Variants in AGAP1 observed in about 807,000 individuals in gnomAD.
The protein encoded by AGAP1 is arf-GAP with GTPase, ANK repeat and PH domain-containing protein 1.
AGAP1 carries 29 observed loss-of-function variants against 105.3 expected under a neutral mutation model. The observed-to-expected ratio is 0.28, with a 90% CI of 0.21 to 0.38. The LOEUF is 0.38. Among genes scored for constraint, AGAP1 ranks in the 10% least tolerant of loss-of-function variants. The probability of loss-of-function intolerance (pLI) is 1.00; values close to 1 mark genes in which losing one functional copy is unlikely to be tolerated. For missense variants in AGAP1, 998 were observed against 1,165.1 expected, an observed-to-expected ratio of 0.86 and a Z score of 2.09; for synonymous variants, 509 against 485.9, an observed-to-expected ratio of 1.05 and a Z score of -0.63.
intron 16 of AGAP1, among the ~76,000 whole-genome samples, chr2:236,117,922 G>GGGGCC (rs1559292935): frequency 6.6e-6 from 1 of 151,940 alleles, no homozygotes; most frequent in Non-Finnish European, 1.5e-5. Flanking sequence ...CTGCATTTGT[G>GGGGCC]GGGGCCGGTG....
rs9287594 is a variant in AGAP1, at chr2:235,982,108, T to C, written c.1645+13485T>C. ...TTTACAGCACTTAGAAAATACCAGATCCACGAAGAACAAATGATCAAAGTT... is the reference window on the plus strand; with the variant it reads ...TTTACAGCACTTAGAAAATACCAGACCCACGAAGAACAAATGATCAAAGTT... On this transcript the variant is annotated intron_variant, in intron 13 of 17. Coordinates refer to ENST00000304032, the MANE Select transcript of AGAP1 (RefSeq NM_001037131.3). This position sits in a 1 kb window ranked among gnomAD's most constrained non-coding sequence, Gnocchi z 4.9. Among the ~76,000 whole-genome samples the C allele has an allele frequency of 7.3e-3, 1,110 of 152,300 alleles. 13 individuals carry two copies. Among genetic ancestry groups the C allele is most frequent in the African/African-American group, 0.025 (1,057 of 41,562 alleles).
At chr2:235,995,762 A>G (rs13414490) in intron 13 of AGAP1, among the ~76,000 whole-genome samples, 186 of 152,272 alleles carry the variant, frequency 1.2e-3, no homozygotes, top group African/African-American at 4.3e-3. Context: ...CATACTCTAG[A>G]TGCATCACTG....
chr2:235,903,181 A>C (rs528941782), intron 10 of AGAP1, among the ~76,000 whole-genome samples: 15 of 152,338 alleles, frequency 9.8e-5, no homozygotes, highest in African/African-American at 3.4e-4. Flanking sequence ...GTACAGTTAT[A>C]AACTAGAACT....
chr2:235,968,419 T>G, intron 12 of AGAP1, 43 bp from the exon 13 acceptor site: 1 of 1,546,324 alleles, frequency 6.5e-7, no homozygotes. Context: ...GTGCTCACTC[T>G]GCATTTTTTT....
In AGAP1 at chr2:235,883,463, C is replaced by T; in HGVS notation, c.1155+14C>T. The stretch of plus-strand genomic sequence containing the variant: ...CCCAGTTTACATGTGAGTATAGCCC[C>T]CTCGGAGCAATTAACAGCTGCAGAC... On this transcript the variant is annotated intron_variant, in intron 10 of 17. Transcript: ENST00000304032. The surrounding 1 kb of genome is among the most constrained non-coding windows in gnomAD (Gnocchi z 4.5). The T allele has an allele frequency of 1.2e-6, 2 of 1,604,458 alleles. No homozygotes were observed. Among genetic ancestry groups the T allele is most frequent in the Non-Finnish European group, 1.7e-6 (2 of 1,172,170 alleles).
intron 1 of AGAP1, among the ~76,000 whole-genome samples, chr2:235,496,691 C>T (rs1448123062): frequency 2.0e-5 from 3 of 152,044 alleles, no homozygotes; most frequent in Admixed American, 6.6e-5. Context: ...CTCTGGGGCT[C>T]AAGCACTTCC....
At chr2:235,567,928 C>T (rs566060761) in intron 1 of AGAP1, among the ~76,000 whole-genome samples, 1 of 152,256 alleles carries the variant, frequency 6.6e-6, no homozygotes, top group Admixed American at 6.5e-5. Context: ...CTAGAGGATG[C>T]ACTGGCGCAG....
intron 12 of AGAP1, among the ~76,000 whole-genome samples, chr2:235,950,668 C>A (rs1559685630): frequency 6.6e-6 from 1 of 151,630 alleles, no homozygotes; most frequent in Non-Finnish European, 1.5e-5. Context: ...CCACCCCTGA[C>A]CCTTCCAGCA....
At chr2:235,756,701 G>C (rs1054736260) in intron 6 of AGAP1, among the ~76,000 whole-genome samples, 10 of 152,128 alleles carry the variant, frequency 6.6e-5, no homozygotes, top group African/African-American at 1.7e-4. Flanking sequence ...ATTACTCCCC[G>C]AGCTCCGCCT....
At chr2:235,950,332 C>G (rs1400654773) in intron 12 of AGAP1, among the ~76,000 whole-genome samples, 1 of 152,214 alleles carries the variant, frequency 6.6e-6, no homozygotes, top group African/African-American at 2.4e-5. Context: ...GAGCAGGAGC[C>G]AGCCAGCCAG....
At chr2:235,948,490 A>C (rs1471459352) in intron 12 of AGAP1, among the ~76,000 whole-genome samples, 1 of 152,240 alleles carries the variant, frequency 6.6e-6, no homozygotes, top group Non-Finnish European at 1.5e-5. Flanking sequence ...CCTGGCCTAA[A>C]AATGTTTTAA....
chr2:235,698,421 A>G (rs1188067688), intron 1 of AGAP1, among the ~76,000 whole-genome samples: 2 of 151,756 alleles, frequency 1.3e-5, no homozygotes, highest in Non-Finnish European at 2.9e-5. Context: ...ATAGCTGTCT[A>G]CTCTTACATC....
rs1459312735 is a variant in AGAP1, at chr2:235,960,458, TGTTG to T, written c.1484-8001_1484-7998del. ...CGGTGCAATGACACCTTCATCTCCC[TGTTG>T]GTCCCATTCTCTGGGGTGGCTGGAG... On this transcript the variant is annotated intron_variant, in intron 12 of 17. Coordinates refer to ENST00000304032, the MANE Select transcript of AGAP1 (RefSeq NM_001037131.3). This position sits in a 1 kb window ranked among gnomAD's most constrained non-coding sequence, Gnocchi z 4.9. Among the ~76,000 whole-genome samples the T allele has an allele frequency of 6.6e-6, 1 of 152,136 alleles. No individual in the cohort carries two copies. Among genetic ancestry groups the T allele is most frequent in the African/African-American group, 2.4e-5 (1 of 41,438 alleles).
At chr2:235,849,474 A>G (rs1387539825) in intron 9 of AGAP1, among the ~76,000 whole-genome samples, 1 of 28,890 alleles carries the variant, frequency 3.5e-5, no homozygotes, top group Non-Finnish European at 5.9e-5. Flanking sequence ...GTTTTCAGGC[A>G]GTGACCTCTC....
chr2:235,670,957 G>A, intron 1 of AGAP1: 2 of 1,319,520 alleles, frequency 1.5e-6, no homozygotes, highest in Non-Finnish European at 9.6e-7. Context: ...CCTCGCCACG[G>A]AGCGGAGCCT....
intron 13 of AGAP1, among the ~76,000 whole-genome samples, chr2:235,996,759 A>G (rs2055834126): frequency 6.6e-6 from 1 of 152,242 alleles, no homozygotes; most frequent in South Asian, 2.1e-4. Flanking sequence ...GTAACCATAT[A>G]TTGAAATTGT....
rs1490797839 is a variant in AGAP1 at position 235,615,001 on chromosome 2, G to GCTCC, written c.164-94176_164-94175insCCCT. ...TGTGTGGTGCGCTCAAATAAAGGAGGCTGTTCAAGGTGAGTGGTTTTCCTG... is the reference window on the plus strand; with the variant it reads ...TGTGTGGTGCGCTCAAATAAAGGAGGCTCCCTGTTCAAGGTGAGTGGTTTTCCTG... On this transcript the variant is annotated intron_variant, in intron 1 of 17. Coordinates refer to ENST00000304032, the MANE Select transcript of AGAP1 (RefSeq NM_001037131.3). This position sits in a 1 kb window ranked among gnomAD's most constrained non-coding sequence, Gnocchi z 5.0. Among the ~76,000 whole-genome samples, 1 of 152,212 alleles carries GCTCC rather than the reference G, an allele frequency of 6.6e-6. No homozygotes were observed. The highest frequency in any genetic ancestry group is 1.5e-5 in the Non-Finnish European group (1 of 68,046).
At chr2:235,759,952 T>A (rs1468820391) in intron 6 of AGAP1, among the ~76,000 whole-genome samples, 2 of 152,236 alleles carry the variant, frequency 1.3e-5, no homozygotes, top group Non-Finnish European at 2.9e-5. Flanking sequence ...GAGTTACTAT[T>A]TTTAGAAAAA....
At chr2:236,102,192 C>T (rs910790442) in intron 16 of AGAP1, among the ~76,000 whole-genome samples, 71 of 151,816 alleles carry the variant, frequency 4.7e-4, no homozygotes, top group African/African-American at 1.5e-3. Context: ...CCAAGGCGGG[C>T]GGATCACAAG....
Sources: gnomAD v4.1 joint callset for allele counts (sites outside exome capture counted in the v4.1 genomes callset) on GRCh38, gnomAD v4.1.1 for gene constraint, Gnocchi (gnomAD v3.1) non-coding constraint, MANE v1.5 for transcripts, NCBI Gene and HGNC (gene_info 2026-07-23, HGNC 2026-07-21) for gene names.